Variants in THSD4 observed in about 807,000 individuals in gnomAD.
THSD4 encodes thrombospondin type-1 domain-containing protein 4.
THSD4 carries 69 observed loss-of-function variants against 119.0 expected under a neutral mutation model. The observed-to-expected ratio is 0.58, with a 90% CI of 0.48 to 0.71. The LOEUF (loss-of-function observed/expected upper bound fraction) is 0.71. Among genes scored for constraint, THSD4 ranks in the 30% least tolerant of loss-of-function variants. THSD4 has a pLI of 0.00. For missense variants in THSD4, 1,393 were observed against 1,391.1 expected (o/e 1.00, Z -0.02); for synonymous variants, 524 against 540.4 (o/e 0.97, Z 0.42).
chr15:71,229,779 C>G (rs1199629050), intron 4 of THSD4, among the ~76,000 whole-genome samples: 2 of 152,134 alleles, frequency 1.3e-5, no homozygotes, highest in Non-Finnish European at 2.9e-5. Context: ...ATAACTTCCT[C>G]TAATGCAAGG....
At chr15:71,477,349 C>G (rs776212993) in intron 7 of THSD4, among the ~76,000 whole-genome samples, 3 of 152,124 alleles carry the variant, frequency 2.0e-5, no homozygotes, top group Non-Finnish European at 4.4e-5. Flanking sequence ...TAGAATGGTT[C>G]GAAGTTGCCC....
At chr15:71,097,566 G>GA (rs201829384) in intron 1 of THSD4, among the ~76,000 whole-genome samples, 28,514 of 138,386 alleles carry the variant, frequency 0.21, 3,212 homozygotes, top group African/African-American at 0.33. Context: ...ACTCTGTCTC[G>GA]AAAAAAAAAA....
chr15:71,411,547 A>G (rs1407798233), intron 6 of THSD4, 140 bp from the exon 7 acceptor site: 1 of 843,154 alleles, frequency 1.2e-6, no homozygotes, highest in East Asian at 2.7e-5. Flanking sequence ...TGAACTGTAT[A>G]GTTGGTTAAA....
chr15:71,484,414 A>G (rs2047783274), intron 7 of THSD4, among the ~76,000 whole-genome samples: 1 of 152,214 alleles, frequency 6.6e-6, no homozygotes, highest in Admixed American at 6.5e-5. Context: ...TATTATTCCA[A>G]ACTTAAATTT....
chr15:71,401,764 A>G (rs1000588491), intron 6 of THSD4, among the ~76,000 whole-genome samples: 1 of 152,212 alleles, frequency 6.6e-6, no homozygotes, highest in Non-Finnish European at 1.5e-5. Flanking sequence ...ACATACCCAA[A>G]GGATTATAAT....
rs367823728 is a variant in THSD4, at chr15:71,727,587, T to TACACACACACACAC, written c.1358-940_1358-927dup. 1.9e-3 allele frequency among the ~76,000 whole-genome samples: 18 copies of TACACACACACACAC among 9,266 alleles called. 1 individual carries two copies. Among genetic ancestry groups the TACACACACACACAC allele is most frequent in the African/African-American group, 4.6e-3 (18 of 3,950 alleles). 6.1% of individuals were successfully genotyped at this position (9,266 alleles called of 152,430 possible). A position where few individuals can be genotyped will look rare whatever the true frequency, so the allele number is the denominator to read the frequency against. ...ATATATATATATATATATATATATA[T>TACACACACACACAC]ACACACACACACACACACACACACA... On this transcript the variant is annotated intron_variant, in intron 8 of 17. Coordinates refer to ENST00000261862, the MANE Select transcript of THSD4 (RefSeq NM_024817.3).
At chr15:71,624,415 C>T (rs940613200) in intron 7 of THSD4, among the ~76,000 whole-genome samples, 1 of 152,176 alleles carries the variant, frequency 6.6e-6, no homozygotes, top group African/African-American at 2.4e-5. Flanking sequence ...CACTTTAAAT[C>T]ACATTTTTGG....
chr15:71,329,692 G>A (rs947943988), intron 6 of THSD4, among the ~76,000 whole-genome samples: 4 of 152,196 alleles, frequency 2.6e-5, no homozygotes, highest in African/African-American at 9.7e-5. Context: ...TACTCATCGT[G>A]AAATTGAGGT....
At chr15:71,655,864 T>C (rs2051180371) in intron 7 of THSD4, among the ~76,000 whole-genome samples, 1 of 152,202 alleles carries the variant, frequency 6.6e-6, no homozygotes, top group Admixed American at 6.5e-5. Flanking sequence ...CCAGATTCGT[T>C]TCTGAACACT....
chr15:71,514,992 G>A (rs1371172305), intron 7 of THSD4, among the ~76,000 whole-genome samples: 1 of 152,142 alleles, frequency 6.6e-6, no homozygotes, highest in Non-Finnish European at 1.5e-5. Flanking sequence ...AGAACATCTT[G>A]AACATAACAC....
intron 7 of THSD4, among the ~76,000 whole-genome samples, chr15:71,613,104 G>A (rs189840640): frequency 2.0e-5 from 3 of 152,144 alleles, no homozygotes; most frequent in Admixed American, 1.3e-4. Flanking sequence ...CCTAGTCAAG[G>A]GTGTAGTATT....
intron 7 of THSD4, among the ~76,000 whole-genome samples, chr15:71,428,280 T>C (rs957932924): frequency 6.6e-6 from 1 of 152,110 alleles, no homozygotes; most frequent in Non-Finnish European, 1.5e-5. Flanking sequence ...AATAAAACTT[T>C]AGAAAACTGT....
chr15:71,612,038 A>G (rs906060430), intron 7 of THSD4, among the ~76,000 whole-genome samples: 28 of 152,160 alleles, frequency 1.8e-4, no homozygotes, highest in Non-Finnish European at 3.5e-4. Context: ...AGCTGCAGCT[A>G]AGACTTGTGG....
chr15:71,280,956 A>C (rs1282145557), intron 6 of THSD4, among the ~76,000 whole-genome samples: 3 of 152,220 alleles, frequency 2.0e-5, no homozygotes, highest in Non-Finnish European at 4.4e-5. Flanking sequence ...TCATGGGGGC[A>C]ATGTTTCTAC....
intron 6 of THSD4, among the ~76,000 whole-genome samples, chr15:71,359,856 A>C (rs1377016530): frequency 6.6e-6 from 1 of 152,158 alleles, no homozygotes; most frequent in East Asian, 1.9e-4. Context: ...AAACAAAAAA[A>C]ACAGAGAAAG....
chr15:71,301,114 A>G (rs962605007), intron 6 of THSD4, among the ~76,000 whole-genome samples: 157 of 152,212 alleles, frequency 1.0e-3, no homozygotes, highest in African/African-American at 3.6e-3. Flanking sequence ...TACAGGTTGG[A>G]GGGTTTTTCT....
intron 14 of THSD4, among the ~76,000 whole-genome samples, chr15:71,753,280 A>C (rs1056996276): frequency 3.9e-5 from 6 of 152,220 alleles, no homozygotes; most frequent in African/African-American, 1.4e-4. Context: ...TCAGTTCTAC[A>C]AATCAATGAT....
intron 6 of THSD4, among the ~76,000 whole-genome samples, chr15:71,396,881 G>C (rs1426245140): frequency 6.6e-6 from 1 of 152,170 alleles, no homozygotes; most frequent in Non-Finnish European, 1.5e-5. Flanking sequence ...AGAGAAATAG[G>C]AAACATTTCA....
chr15:71,334,004 A>G (rs1431064070), intron 6 of THSD4, among the ~76,000 whole-genome samples: 1 of 152,172 alleles, frequency 6.6e-6, no homozygotes, highest in African/African-American at 2.4e-5. Flanking sequence ...CTCTGCCCTC[A>G]AGAAACTCAC....
Sources: gnomAD v4.1 joint callset for allele counts (sites outside exome capture counted in the v4.1 genomes callset) on GRCh38, gnomAD v4.1.1 for gene constraint, MANE v1.5 for transcripts, NCBI Gene and HGNC (gene_info 2026-07-23, HGNC 2026-07-21) for gene names.